The following PCDH15 variants were observed in gnomAD, a reference collection of about 807,000 sequenced individuals.
PCDH15 encodes the protein protocadherin-15.
In PCDH15, 129 loss-of-function variants were observed where a neutral mutation model predicts 178.5. The observed-to-expected ratio is 0.72, with a 90% confidence interval of 0.63 to 0.84. The LOEUF is 0.84. Ranked by LOEUF, PCDH15 falls within the 40% of genes least tolerant of loss-of-function variation. The pLI, the probability that PCDH15 is intolerant of heterozygous loss-of-function variation, is 0.00. For synonymous variants in PCDH15, 800 were observed against 732.0 expected (o/e 1.09, Z -1.50); for missense variants, 2,230 against 2,099.9 (o/e 1.06, Z -1.21).
At chr10:54,234,542 G>T (rs1452524528) in intron 9 of PCDH15, among the ~76,000 whole-genome samples, 2 of 152,100 alleles carry the variant, frequency 1.3e-5, no homozygotes, top group Non-Finnish European at 2.9e-5. Flanking sequence ...GACAGAGCAA[G>T]ACACTGTCTC....
chr10:54,918,290 G>A (rs1022164323), intron 2 of PCDH15, among the ~76,000 whole-genome samples: 7 of 151,952 alleles, frequency 4.6e-5, no homozygotes, highest in Non-Finnish European at 2.9e-5. Flanking sequence ...TCCCTTCTTG[G>A]ATAGGTTGTA....
intron 16 of PCDH15, among the ~76,000 whole-genome samples, chr10:54,083,539 A>G (rs1200181727): frequency 3.3e-5 from 5 of 152,208 alleles, no homozygotes. Context: ...ATAGTCACAC[A>G]TTGCATGATT....
chr10:54,917,138 G>A lies in PCDH15; in HGVS notation c.-79-19638C>T, dbSNP rs148651767. ...AATATATTAGTTGGACCATAAATAC[G>A]TAAAATGCATTTGGCTAGAACATAT... On this transcript the variant is annotated intron_variant, in intron 2 of 5. Transcript: ENST00000458638. Among the ~76,000 whole-genome samples, 166 of 152,232 alleles carry A rather than the reference G, an allele frequency of 1.1e-3. 1 individual carries two copies. The highest frequency in any genetic ancestry group is 3.8e-3 in the African/African-American group (157 of 41,534).
intron 23 of PCDH15, among the ~76,000 whole-genome samples, chr10:53,950,439 A>T: frequency 1.3e-5 from 2 of 152,156 alleles, no homozygotes; most frequent in South Asian, 4.1e-4. Flanking sequence ...ATTTTTAAAT[A>T]AAAAACAAAG....
rs181472456 is a variant in PCDH15, at chr10:55,153,506, T to C, written c.-80+13070A>G. Among the ~76,000 whole-genome samples, 346 of 152,272 alleles carry C rather than the reference T, an allele frequency of 2.3e-3. 1 individual carries two copies. The highest frequency in any genetic ancestry group is 7.7e-3 in the African/African-American group (321 of 41,570). ...TTATAACAATAAAAAGAGAAAATGA[T>C]GGCAGATAAAATAGAGAGTATAGCA... is the stretch of plus-strand genomic sequence containing the variant. On this transcript the variant is annotated intron_variant, in intron 2 of 5. Transcript: ENST00000458638.
chr10:54,731,557 T>C (rs1248884717), intron 1 of PCDH15, among the ~76,000 whole-genome samples: 36 of 48,944 alleles, frequency 7.4e-4, no homozygotes, highest in Admixed American at 2.3e-3. Context: ...TATATATATA[T>C]ATATATACAC....
At position 55,160,027 on chromosome 10, in the gene PCDH15, TCTAC is replaced by T. The variant is rs201581829; in HGVS notation, c.-80+6545_-80+6548del. On this transcript the variant is annotated intron_variant, in intron 2 of 5. Transcript: ENST00000458638. The stretch of plus-strand genomic sequence containing the variant: ...TCTTTAAAGCTACTCCAAATCTTCT[TCTAC>T]CCTTTCAATTCCCCCATGAAAGAGA... Among the ~76,000 whole-genome samples, 463 of 151,986 alleles carry T rather than the reference TCTAC, an allele frequency of 3.0e-3. 4 individuals carry two copies. The highest frequency in any genetic ancestry group is 0.01 in the African/African-American group (427 of 41,506).
intron 1 of PCDH15, among the ~76,000 whole-genome samples, chr10:54,751,296 A>G (rs557089172): frequency 3.9e-5 from 6 of 152,310 alleles, no homozygotes; most frequent in Admixed American, 3.3e-4. Flanking sequence ...GACGTATTTC[A>G]CCACTTGGTA....
At chr10:54,101,896 G>A (rs1046281138) in intron 15 of PCDH15, among the ~76,000 whole-genome samples, 3 of 151,990 alleles carry the variant, frequency 2.0e-5, no homozygotes, top group Non-Finnish European at 4.4e-5. Flanking sequence ...GATAACTTGA[G>A]CCCTGGAGGT....
chr10:54,725,933 T>C (rs1942432840), intron 1 of PCDH15, among the ~76,000 whole-genome samples: 1 of 151,678 alleles, frequency 6.6e-6, no homozygotes, highest in South Asian at 2.1e-4. Context: ...TTGTCACAGG[T>C]TAGCATGTAA....
intron 13 of PCDH15, among the ~76,000 whole-genome samples, chr10:54,167,008 C>T (rs2046300696): frequency 6.6e-6 from 1 of 152,204 alleles, no homozygotes; most frequent in South Asian, 2.1e-4. Context: ...ACGGCCTCAC[C>T]CTTATCTCCC....
chr10:54,299,819 A>G lies in PCDH15; in HGVS notation c.876+17452T>C, dbSNP rs575760522. On this transcript the variant is annotated intron_variant, in intron 8 of 37. Transcript: ENST00000644397. ...CGTGCGAGTTGTTTGCACTCAGCCA[A>G]ATCTTAAAGTACTTACAGAATCAGG... Among the ~76,000 whole-genome samples the G allele has an allele frequency of 2.0e-5, 3 of 152,280 alleles. No individual in the cohort carries two copies. The South Asian group carries it at 6.2e-4, about 32-fold the overall frequency.
At chr10:54,106,501 G>A (rs1319718433) in intron 15 of PCDH15, among the ~76,000 whole-genome samples, 1 of 152,154 alleles carries the variant, frequency 6.6e-6, no homozygotes, top group Admixed American at 6.5e-5. Flanking sequence ...TGTTAACATA[G>A]GTGGATCCTA....
chr10:55,510,843 CTA>C (rs1181119260), intron 2 of PCDH15, among the ~76,000 whole-genome samples: 1 of 148,674 alleles, frequency 6.7e-6, no homozygotes, highest in African/African-American at 2.5e-5. Flanking sequence ...CACATATATA[CTA>C]TATATATAAT....
At chr10:55,381,899 A>C (rs910747209) in intron 2 of PCDH15, among the ~76,000 whole-genome samples, 19 of 152,276 alleles carry the variant, frequency 1.2e-4, no homozygotes, top group African/African-American at 4.6e-4. Context: ...GGCTGGAGGA[A>C]ACAAGTTTGC....
intron 2 of PCDH15, among the ~76,000 whole-genome samples, chr10:54,647,425 A>T (rs2135118213): frequency 6.6e-6 from 1 of 152,228 alleles, no homozygotes; most frequent in African/African-American, 2.4e-5. Context: ...AAAGATAAAA[A>T]TTCTAGAAAC....
At chr10:54,643,497 A>G (rs1293699108) in intron 2 of PCDH15, among the ~76,000 whole-genome samples, 1 of 152,160 alleles carries the variant, frequency 6.6e-6, no homozygotes, top group Non-Finnish European at 1.5e-5. Context: ...TGGTATACAT[A>G]TAGTACTGTG....
At chr10:55,174,004 C>G (rs1264086214) in intron 1 of PCDH15, among the ~76,000 whole-genome samples, 1 of 152,176 alleles carries the variant, frequency 6.6e-6, no homozygotes, top group Non-Finnish European at 1.5e-5. Flanking sequence ...GCTGATCCAT[C>G]ATGGAAACAA....
intron 3 of PCDH15, among the ~76,000 whole-genome samples, chr10:54,860,824 G>C (rs1314459086): frequency 6.6e-6 from 1 of 152,112 alleles, no homozygotes; most frequent in East Asian, 1.9e-4. Flanking sequence ...TTGGTTATTT[G>C]TGGGCAGATT....
Sources: allele counts gnomAD v4.1 joint callset (sites outside exome capture counted in the v4.1 genomes callset), GRCh38; gene constraint gnomAD v4.1.1; transcripts MANE v1.5; gene names NCBI Gene and HGNC (gene_info 2026-07-23, HGNC 2026-07-21).